Variants in CDH13 observed in about 807,000 individuals in gnomAD.
CDH13 encodes the protein cadherin 13.
A neutral mutation model predicts 63.8 loss-of-function variants in CDH13; 24 were observed. That is an observed-to-expected ratio of 0.38 (90% CI 0.27 to 0.53). The LOEUF is 0.53. CDH13 is among the 20% of genes least tolerant of loss of function. The probability of loss-of-function intolerance (pLI) is 0.85; values close to 1 mark genes in which losing one functional copy is unlikely to be tolerated. For missense variants in CDH13, 1,049 were observed against 903.1 expected (o/e 1.16, Z -2.07); for synonymous variants, 503 against 355.3 (o/e 1.42, Z -4.67).
At chr16:82,696,763 C>T (rs184754934) in intron 1 of CDH13, among the ~76,000 whole-genome samples, 1 of 152,150 alleles carries the variant, frequency 6.6e-6, no homozygotes, top group East Asian at 1.9e-4. Flanking sequence ...AATTTAGTGG[C>T]TTACAAGCAA....
At chr16:83,371,100 G>A (rs2091358418) in intron 6 of CDH13, among the ~76,000 whole-genome samples, 1 of 152,246 alleles carries the variant, frequency 6.6e-6, no homozygotes, top group South Asian at 2.1e-4. Flanking sequence ...ATGTAAGTTA[G>A]TTCAGACGCT....
At chr16:83,106,261 C>G (rs1323617628) in intron 3 of CDH13, among the ~76,000 whole-genome samples, 3 of 152,136 alleles carry the variant, frequency 2.0e-5, no homozygotes, top group East Asian at 3.9e-4. Context: ...ACAAGCAGGC[C>G]AGGCACCATG....
At chr16:83,288,569 G>C (rs1002459604) in intron 5 of CDH13, among the ~76,000 whole-genome samples, 2 of 152,188 alleles carry the variant, frequency 1.3e-5, no homozygotes, top group East Asian at 1.9e-4. Context: ...GCCACACAGA[G>C]CCAGCTGTCC....
intron 4 of CDH13, among the ~76,000 whole-genome samples, chr16:83,191,480 TATATATATGC>T (rs1463076178): frequency 5.6e-5 from 7 of 124,472 alleles, no homozygotes; most frequent in African/African-American, 1.8e-4. Flanking sequence ...TATATATATA[TATATATATGC>T]ACATATATAT....
At chr16:82,728,557 A>G (rs1180027835) in intron 1 of CDH13, among the ~76,000 whole-genome samples, 1 of 152,180 alleles carries the variant, frequency 6.6e-6, no homozygotes, top group Non-Finnish European at 1.5e-5. Context: ...ATTTAAAAAT[A>G]CTTTATTGCT....
chr16:82,666,226 C>T (rs542030630), intron 1 of CDH13, among the ~76,000 whole-genome samples: 2 of 152,188 alleles, frequency 1.3e-5, no homozygotes, highest in African/African-American at 2.4e-5. Context: ...TCTTTCCAAG[C>T]TCCTGCAATC....
intron 3 of CDH13, among the ~76,000 whole-genome samples, chr16:83,083,044 A>T (rs1567812786): frequency 6.6e-6 from 1 of 152,220 alleles, no homozygotes; most frequent in Non-Finnish European, 1.5e-5. Context: ...TTGATCATGA[A>T]TCAGAATGAT....
At chr16:83,784,429 C>CAA (rs1028583424) in intron 13 of CDH13, among the ~76,000 whole-genome samples, 1 of 152,030 alleles carries the variant, frequency 6.6e-6, no homozygotes, top group African/African-American at 2.4e-5. Context: ...ATCAGGAGTT[C>CAA]AAGACCAGTC....
At chr16:82,858,811 T>C (rs903136888) in intron 2 of CDH13, 1 of 368,718 alleles carries the variant, frequency 2.7e-6, no homozygotes, top group Non-Finnish European at 4.9e-6. Flanking sequence ...ATCAAAATCA[T>C]TGCCTTCTCG....
chr16:83,450,974 G>A (rs2072871489), intron 6 of CDH13, among the ~76,000 whole-genome samples: 1 of 152,150 alleles, frequency 6.6e-6, no homozygotes, highest in Non-Finnish European at 1.5e-5. Context: ...AATCCATATG[G>A]CTGAGCCGCA....
At chr16:83,467,543 C>T (rs2073347492) in intron 6 of CDH13, among the ~76,000 whole-genome samples, 1 of 152,210 alleles carries the variant, frequency 6.6e-6, no homozygotes, top group Non-Finnish European at 1.5e-5. Flanking sequence ...ACCCCAAGAA[C>T]AGAACTGGCA....
chr16:83,490,805 A>G (rs576135855), intron 7 of CDH13, among the ~76,000 whole-genome samples: 16 of 152,356 alleles, frequency 1.1e-4, no homozygotes, highest in African/African-American at 3.1e-4. Flanking sequence ...CTCCGCATTA[A>G]TAGATATCAA....
intron 5 of CDH13, among the ~76,000 whole-genome samples, chr16:83,279,683 A>G (rs2089102972): frequency 2.0e-5 from 3 of 152,196 alleles, no homozygotes; most frequent in African/African-American, 2.4e-5. Context: ...CTCTCTCACA[A>G]CATGTAGTGA....
intron 7 of CDH13, among the ~76,000 whole-genome samples, chr16:83,524,649 T>G (rs1470024177): frequency 6.6e-6 from 1 of 152,002 alleles, no homozygotes; most frequent in East Asian, 1.9e-4. Flanking sequence ...AGATGGGGTT[T>G]CACCATGTTA....
At chr16:83,482,888 C>T (rs986909753) in intron 6 of CDH13, among the ~76,000 whole-genome samples, 6 of 152,190 alleles carry the variant, frequency 3.9e-5, no homozygotes, top group Admixed American at 3.3e-4. Context: ...ATTCTTTGGA[C>T]AACTTAATCC....
intron 7 of CDH13, among the ~76,000 whole-genome samples, chr16:83,581,224 C>T (rs1293178637): frequency 2.0e-5 from 3 of 152,162 alleles, no homozygotes; most frequent in Admixed American, 6.5e-5. Context: ...TCTGCCCTTC[C>T]GAAGCTGACA....
At chr16:83,634,760 G>A (rs4404056) in intron 8 of CDH13, among the ~76,000 whole-genome samples, 151,743 of 152,250 alleles carry the variant, frequency 1, 75,620 homozygotes, top group Middle Eastern at 1. Context: ...ACTCACATCA[G>A]CCGATAGCTG....
chr16:83,442,921 A>T (rs1280617291), intron 6 of CDH13, among the ~76,000 whole-genome samples: 1 of 152,246 alleles, frequency 6.6e-6, no homozygotes, highest in Non-Finnish European at 1.5e-5. Context: ...TTCACCCTAT[A>T]TGCTTGACCT....
chr16:83,476,237 A>C (rs536314351), intron 6 of CDH13, among the ~76,000 whole-genome samples: 1 of 152,214 alleles, frequency 6.6e-6, no homozygotes, highest in Non-Finnish European at 1.5e-5. Context: ...ATCTCTACCC[A>C]CTAGATGCCA....
Sources: allele counts gnomAD v4.1 joint callset (sites outside exome capture counted in the v4.1 genomes callset), GRCh38; gene constraint gnomAD v4.1.1; transcripts MANE v1.5; gene names NCBI Gene and HGNC (gene_info 2026-07-23, HGNC 2026-07-21).